LOXL2: variants seen among roughly 807,000 people sequenced by gnomAD.
The protein encoded by LOXL2 is lysyl oxidase like 2, also known as lysyl oxidase homolog 2.
LOXL2 carries 70 observed loss-of-function variants against 93.0 expected under a neutral mutation model. The ratio of observed to expected loss-of-function variants is 0.75; its 90% confidence interval spans 0.62 to 0.92. The LOEUF (loss-of-function observed/expected upper bound fraction) is 0.92. Ranked by LOEUF, LOXL2 falls within the 40% of genes least tolerant of loss-of-function variation. LOXL2 has a pLI of 0.00. For synonymous variants in LOXL2, 438 were observed against 413.2 expected (o/e 1.06, Z -0.73); for missense variants, 973 against 1,054.9 (o/e 0.92, Z 1.08).
At chr8:23,311,160 C>T (rs1554476158) in intron 9 of LOXL2, among the ~76,000 whole-genome samples, 2 of 152,224 alleles carry the variant, frequency 1.3e-5, no homozygotes, top group Non-Finnish European at 2.9e-5. Flanking sequence ...CCTTCTCCCC[C>T]TCCCCCTCCA....
chr8:23,386,844 T>A (rs1424192079), intron 1 of LOXL2, among the ~76,000 whole-genome samples: 1 of 152,058 alleles, frequency 6.6e-6, no homozygotes, highest in Middle Eastern at 3.2e-3. Context: ...CGTAGCTCCC[T>A]CCACACGCTC....
chr8:23,298,070 G>A lies in LOXL2; in HGVS notation c.2298C>T (p.Leu766=), dbSNP rs773903446. Residue 766 remains leucine (L), a synonymous_variant, in exon 14 of 14, where the codon CTC becomes CTT. Coordinates refer to ENST00000389131, the MANE Select transcript of LOXL2 (RefSeq NM_002318.3). ...ACTGCGGGGACAGCTGGTTGTTTAA[G>A]AGCCCGCTGAAGTGCTCAAACTTTT... The part of the protein sequence containing the change: ...TEKKFEHFSG[L]LNNQLSPQ 1.2e-6 allele frequency: 2 copies of A among 1,613,800 alleles called. No individual in the cohort carries two copies. The highest frequency in any genetic ancestry group is 2.2e-5 in the East Asian group (1 of 44,902).
intron 9 of LOXL2, among the ~76,000 whole-genome samples, chr8:23,315,826 C>G (rs148846975): frequency 6.6e-6 from 1 of 152,170 alleles, no homozygotes; most frequent in Non-Finnish European, 1.5e-5. Context: ...TTATTTTATG[C>G]TATCTTGAAT....
chr8:23,333,436 C>T lies in LOXL2; in HGVS notation c.931G>A (p.Gly311Arg), dbSNP rs780665877. 12 of 1,613,774 alleles carry T rather than the reference C, an allele frequency of 7.4e-6. No individual in the cohort carries two copies. Among genetic ancestry groups the T allele is most frequent in the South Asian group, 3.3e-5 (3 of 91,086 alleles). The change falls in exon 5 of 14, where the codon GGA becomes AGA. Residue 311 changes from glycine to arginine, a missense_variant. Physicochemically the swap from Gly to Arg is moderately radical, Grantham distance 125. Coordinates refer to ENST00000389131, the MANE Select transcript of LOXL2 (RefSeq NM_002318.3). The part of the protein sequence containing the change: ...CVPGQVFSPD[G>R]PSRFRKAYKP... ...TACGCTTTCCGGAATCTTGAGGGTC[C>T]GTCAGGGCTGAAGACCTGCCCAGGC...
At chr8:23,305,289 C>T (rs570633847) in intron 10 of LOXL2, among the ~76,000 whole-genome samples, 2 of 152,334 alleles carry the variant, frequency 1.3e-5, no homozygotes, top group East Asian at 1.9e-4. Context: ...AGGATGACCC[C>T]GTCCCACTGC....
chr8:23,342,727 G>A (rs943084880), intron 3 of LOXL2, among the ~76,000 whole-genome samples: 6 of 151,832 alleles, frequency 4.0e-5, no homozygotes, highest in South Asian at 4.2e-4. Flanking sequence ...CACCGTGCCC[G>A]GCCTTTTTTT....
intron 6 of LOXL2, among the ~76,000 whole-genome samples, chr8:23,324,619 C>T (rs1278077951): frequency 6.6e-6 from 1 of 152,174 alleles, no homozygotes; most frequent in East Asian, 1.9e-4. Flanking sequence ...AATTGCTCCT[C>T]CTCATGGTGC....
chr8:23,330,811 T>C (rs1222393914), intron 5 of LOXL2, among the ~76,000 whole-genome samples: 1 of 146,588 alleles, frequency 6.8e-6, no homozygotes, highest in Admixed American at 6.8e-5. Context: ...TGGTGGGGGT[T>C]TGGGGGGTGG....
chr8:23,380,323 G>A (rs1804662405), intron 1 of LOXL2, among the ~76,000 whole-genome samples: 1 of 148,768 alleles, frequency 6.7e-6, no homozygotes, highest in South Asian at 2.1e-4. Context: ...AACCCAGGAG[G>A]CGGAGGTTGC....
intron 3 of LOXL2, among the ~76,000 whole-genome samples, chr8:23,355,578 T>TA (rs1420868544): frequency 6.0e-5 from 9 of 148,852 alleles, no homozygotes; most frequent in African/African-American, 2.2e-4. Flanking sequence ...ACTGAGCTTT[T>TA]AGTCAACCAC....
At chr8:23,304,663 T>C (rs3808522) in intron 10 of LOXL2, among the ~76,000 whole-genome samples, 77,249 of 152,014 alleles carry the variant, frequency 0.51, 20,168 homozygotes, top group East Asian at 0.84. Context: ...AAATAACTAA[T>C]GCGAAGTGGT....
intron 3 of LOXL2, among the ~76,000 whole-genome samples, chr8:23,348,090 GT>G (rs1352862094): frequency 6.6e-6 from 1 of 152,102 alleles, no homozygotes; most frequent in Non-Finnish European, 1.5e-5. Context: ...AAAAGGATGA[GT>G]TCATGTCCTT....
intron 2 of LOXL2, among the ~76,000 whole-genome samples, chr8:23,362,348 G>A (rs556235496): frequency 1.1e-3 from 163 of 152,334 alleles, no homozygotes; most frequent in Middle Eastern, 6.8e-3. Context: ...TTTAATCGGT[G>A]CAGTTTCAGT....
At chr8:23,311,175 T>A (rs1803314708) in intron 9 of LOXL2, among the ~76,000 whole-genome samples, 1 of 152,186 alleles carries the variant, frequency 6.6e-6, no homozygotes, top group South Asian at 2.1e-4. Context: ...CCTCCAGGCT[T>A]ACAGGCTGCA....
intron 1 of LOXL2, 115 bp from the exon 2 acceptor site, chr8:23,368,549 G>A (rs1169800489): frequency 6.7e-6 from 4 of 596,778 alleles, no homozygotes; most frequent in Non-Finnish European, 1.2e-5. Context: ...CATTCTCGAC[G>A]CCAATCCAGC....
intron 10 of LOXL2, among the ~76,000 whole-genome samples, chr8:23,305,810 T>C (rs1803220903): frequency 7.2e-6 from 1 of 138,398 alleles, no homozygotes; most frequent in Non-Finnish European, 1.6e-5. Flanking sequence ...TCAATGCTTT[T>C]TTGTTTTTGT....
intron 4 of LOXL2, among the ~76,000 whole-genome samples, chr8:23,334,803 GTTTA>G (rs1803763210): frequency 1.3e-5 from 2 of 149,850 alleles, no homozygotes; most frequent in Admixed American, 6.7e-5. Context: ...TATTGTGACA[GTTTA>G]TTTATTTGTT....
At chr8:23,327,113 C>A (rs144295698) in intron 6 of LOXL2, among the ~76,000 whole-genome samples, 6 of 152,306 alleles carry the variant, frequency 3.9e-5, no homozygotes, top group African/African-American at 1.4e-4. Flanking sequence ...AGGACTCTCT[C>A]GAGGCCACTG....
chr8:23,300,266 C>T (rs989066669), intron 12 of LOXL2, among the ~76,000 whole-genome samples: 1 of 152,220 alleles, frequency 6.6e-6, no homozygotes, highest in Non-Finnish European at 1.5e-5. Flanking sequence ...CACTGTTTCA[C>T]CCCACTCATC....
Sources: allele counts gnomAD v4.1 joint callset (sites outside exome capture counted in the v4.1 genomes callset), GRCh38; gene constraint gnomAD v4.1.1; transcripts MANE v1.5; gene names NCBI Gene and HGNC (gene_info 2026-07-23, HGNC 2026-07-21).